CNTN6: variants seen among roughly 807,000 people sequenced by gnomAD.
CNTN6 encodes the protein contactin-6.
Under a neutral mutation model 122.8 loss-of-function variants are expected in CNTN6, and 137 were observed. The observed-to-expected ratio is 1.12, with a 90% CI of 0.97 to 1.29. The LOEUF is 1.29. CNTN6 is among the 50% of genes most tolerant of loss of function. The pLI is 0.00. For synonymous variants in CNTN6, 570 were observed against 426.0 expected (o/e 1.34, Z -4.16); for missense variants, 1,634 against 1,223.4 (o/e 1.34, Z -5.01).
At chr3:1,386,261 G>GTT in intron 20 of CNTN6, among the ~76,000 whole-genome samples, 1 of 152,128 alleles carries the variant, frequency 6.6e-6, no homozygotes, top group Non-Finnish European at 1.5e-5. Context: ...TCAGTAAATG[G>GTT]TTTTTTTGTT....
chr3:1,194,533 T>C (rs999036449), intron 2 of CNTN6, among the ~76,000 whole-genome samples: 4 of 152,190 alleles, frequency 2.6e-5, no homozygotes, highest in African/African-American at 9.6e-5. Context: ...TCTGCTGTTT[T>C]CTTTTTTCAT....
intron 19 of CNTN6, among the ~76,000 whole-genome samples, chr3:1,383,803 T>A (rs951755651): frequency 5.9e-5 from 9 of 152,156 alleles, no homozygotes; most frequent in African/African-American, 1.7e-4. Context: ...CACTTCTAAT[T>A]ACATGCAAAT....
At chr3:1,110,000 G>A (rs974009683) in intron 1 of CNTN6, among the ~76,000 whole-genome samples, 2 of 152,012 alleles carry the variant, frequency 1.3e-5, no homozygotes, top group African/African-American at 4.8e-5. Flanking sequence ...TCTTAAAATT[G>A]TTGTCTAGTT....
intron 7 of CNTN6, among the ~76,000 whole-genome samples, chr3:1,319,887 A>T (rs1055113591): frequency 2.0e-5 from 3 of 150,820 alleles, no homozygotes; most frequent in Admixed American, 6.6e-5. Flanking sequence ...AGACATTTAT[A>T]TCACAACTAC....
At chr3:1,356,086 T>G (rs1293159340) in intron 12 of CNTN6, among the ~76,000 whole-genome samples, 1 of 151,810 alleles carries the variant, frequency 6.6e-6, no homozygotes, top group Non-Finnish European at 1.5e-5. Context: ...AGTTTACGTG[T>G]TTTCATTTTG....
chr3:1,305,922 A>G (rs1206634584), intron 7 of CNTN6, among the ~76,000 whole-genome samples: 2 of 152,168 alleles, frequency 1.3e-5, no homozygotes, highest in Non-Finnish European at 1.5e-5. Context: ...CAGGTGACAG[A>G]GGAGCTATTT....
At chr3:1,322,648 ATG>A (rs1378474978) in intron 8 of CNTN6, among the ~76,000 whole-genome samples, 11 of 149,980 alleles carry the variant, frequency 7.3e-5, no homozygotes, top group Admixed American at 1.3e-4. Flanking sequence ...GTGTGTGTGT[ATG>A]TGTGTGTGTG....
At chr3:1,158,959 C>A (rs1170705476) in intron 2 of CNTN6, among the ~76,000 whole-genome samples, 1 of 107,140 alleles carries the variant, frequency 9.3e-6, no homozygotes, top group East Asian at 4.6e-4. Flanking sequence ...TATATACACA[C>A]ACACACACAC....
chr3:1,204,130 C>T (rs1376110052), intron 2 of CNTN6, among the ~76,000 whole-genome samples: 1 of 152,126 alleles, frequency 6.6e-6, no homozygotes, highest in Non-Finnish European at 1.5e-5. Flanking sequence ...ACTGTATTTA[C>T]TTTTTCCAAA....
rs74565431 is a variant in CNTN6 at position 1,192,415 on chromosome 3, T to C, written c.56-28272T>C. ...TCTGGCCAGGAAGCTATTTCCTGTCTAGCATTCTGGTTGCAGGAAACTGGA... is the reference window on the plus strand; with the variant it reads ...TCTGGCCAGGAAGCTATTTCCTGTCCAGCATTCTGGTTGCAGGAAACTGGA... On this transcript the variant is annotated intron_variant, in intron 2 of 22. Transcript: ENST00000446702. Among the ~76,000 whole-genome samples, 687 of 152,264 alleles carry C rather than the reference T, an allele frequency of 4.5e-3. 3 individuals are homozygous for C. Among genetic ancestry groups the C allele is most frequent in the African/African-American group, 0.016 (661 of 41,566 alleles).
At chr3:1,295,301 C>T (rs1696015783) in intron 5 of CNTN6, among the ~76,000 whole-genome samples, 2 of 152,138 alleles carry the variant, frequency 1.3e-5, no homozygotes, top group African/African-American at 2.4e-5. Context: ...TTATTTTATA[C>T]GTCTTATGGT....
At chr3:1,347,348 G>A (rs1027331698) in intron 11 of CNTN6, among the ~76,000 whole-genome samples, 37 of 152,036 alleles carry the variant, frequency 2.4e-4, no homozygotes, top group Non-Finnish European at 2.9e-4. Flanking sequence ...TGGTAATTTG[G>A]GGAAAATTTT....
intron 4 of CNTN6, among the ~76,000 whole-genome samples, chr3:1,252,391 G>A (rs978752094): frequency 6.6e-6 from 1 of 152,060 alleles, no homozygotes; most frequent in African/African-American, 2.4e-5. Context: ...ATAACATTTA[G>A]AAAATAAGGA....
chr3:1,210,099 A>G (rs2094013682), intron 2 of CNTN6, among the ~76,000 whole-genome samples: 1 of 152,148 alleles, frequency 6.6e-6, no homozygotes, highest in Non-Finnish European at 1.5e-5. Flanking sequence ...AGTCTGACAT[A>G]TCTTCACTGC....
intron 5 of CNTN6, among the ~76,000 whole-genome samples, chr3:1,288,763 C>G (rs1694784426): frequency 6.6e-6 from 1 of 152,110 alleles, no homozygotes; most frequent in African/African-American, 2.4e-5. Context: ...TTGCATATAT[C>G]TTTCTTGTTT....
chr3:1,141,178 C>G, intron 1 of CNTN6, among the ~76,000 whole-genome samples: 1 of 152,248 alleles, frequency 6.6e-6, no homozygotes, highest in Non-Finnish European at 1.5e-5. Flanking sequence ...ACACTGAAAT[C>G]AAACTGTGGA....
intron 20 of CNTN6, among the ~76,000 whole-genome samples, chr3:1,397,491 A>G (rs898832695): frequency 6.6e-6 from 1 of 152,126 alleles, no homozygotes; most frequent in Non-Finnish European, 1.5e-5. Flanking sequence ...CAAGTACCAA[A>G]GCCTAGTGGA....
At chr3:1,140,156 G>T (rs761900140) in intron 1 of CNTN6, among the ~76,000 whole-genome samples, 1 of 152,112 alleles carries the variant, frequency 6.6e-6, no homozygotes, top group African/African-American at 2.4e-5. Context: ...ACCTTTTTAG[G>T]AACGGAAAGT....
At chr3:1,305,517 T>C (rs1698211554) in intron 7 of CNTN6, among the ~76,000 whole-genome samples, 1 of 152,186 alleles carries the variant, frequency 6.6e-6, no homozygotes. Context: ...AAGCTCCTTG[T>C]ATAGGTGCTA....
Sources: allele counts gnomAD v4.1 joint callset (sites outside exome capture counted in the v4.1 genomes callset), GRCh38; gene constraint gnomAD v4.1.1; transcripts MANE v1.5; gene names NCBI Gene and HGNC (gene_info 2026-07-23, HGNC 2026-07-21).